The following USP34 variants were observed in gnomAD, a reference collection of about 807,000 sequenced individuals.
The protein encoded by USP34 is ubiquitin specific peptidase 34, also known as ubiquitin carboxyl-terminal hydrolase 34.
USP34 carries 70 observed loss-of-function variants against 460.3 expected under a neutral mutation model. That is an observed-to-expected ratio of 0.15 (90% CI 0.13 to 0.19). The LOEUF (loss-of-function observed/expected upper bound fraction) is 0.19, where lower values mean the gene tolerates loss of function less well. Among genes scored for constraint, USP34 ranks in the 10% least tolerant of loss-of-function variants. USP34 has a pLI of 1.00. For missense variants in USP34, 3,985 were observed against 4,236.2 expected (o/e 0.94, Z 1.65); for synonymous variants, 1,647 against 1,405.3 (o/e 1.17, Z -3.85).
At chr2:61,379,289 C>T (rs1172181416) in intron 7 of USP34, among the ~76,000 whole-genome samples, 6 of 152,100 alleles carry the variant, frequency 3.9e-5, no homozygotes, top group African/African-American at 1.4e-4. Context: ...GAGGATGAGG[C>T]GGGTGGATCA....
intron 2 of USP34, among the ~76,000 whole-genome samples, chr2:61,416,087 C>T (rs752216052): frequency 2.0e-5 from 3 of 152,168 alleles, no homozygotes; most frequent in Non-Finnish European, 4.4e-5. Context: ...AGGACTATTA[C>T]TCCACAGTAT....
In USP34 at chr2:61,228,973, C is replaced by T. The variant is rs1687807350; in HGVS notation, c.7222G>A (p.Val2408Ile). ...CATGAACGACCACCAATATCTTCTACTGAGGTATCCATATCATCTGACCTA... is the reference window on the plus strand; with the variant it reads ...CATGAACGACCACCAATATCTTCTATTGAGGTATCCATATCATCTGACCTA... The part of the protein sequence containing the change: ...EDGSDDMDTS[V>I]EDIGGRSCVT... Residue 2408 changes from valine to isoleucine, a missense_variant, in exon 60 of 80, where the codon GTA (valine) becomes ATA (isoleucine). Physicochemically the swap from Val to Ile is conservative, Grantham distance 29. Around this residue, in one of 14 missense-constraint regions of USP34, gnomAD observed 604 missense variants for 684.8 expected, o/e 0.88. Coordinates refer to ENST00000398571, the MANE Select transcript of USP34 (RefSeq NM_014709.4). 1 of 1,596,794 alleles carries T rather than the reference C, an allele frequency of 6.3e-7. No homozygotes were observed. Among genetic ancestry groups the T allele is most frequent in the South Asian group, 1.1e-5 (1 of 88,162 alleles).
chr2:61,307,729 C>A (rs1457394123), intron 27 of USP34, among the ~76,000 whole-genome samples: 1 of 151,912 alleles, frequency 6.6e-6, no homozygotes, highest in Non-Finnish European at 1.5e-5. Context: ...GAGTACAAAG[C>A]TTTAAAGGAA....
chr2:61,392,992 C>T (rs1163626638), intron 5 of USP34, among the ~76,000 whole-genome samples: 1 of 152,014 alleles, frequency 6.6e-6, no homozygotes, highest in Non-Finnish European at 1.5e-5. Flanking sequence ...TAGTAACAAC[C>T]GAAGTTAGTA....
intron 2 of USP34, chr2:61,416,963 G>T: frequency 7.8e-7 from 1 of 1,279,258 alleles, no homozygotes; most frequent in Non-Finnish European, 1.1e-6. Flanking sequence ...GGGATGAGCC[G>T]CTTCTCAGCC....
chr2:61,221,938 A>C (rs1437110031), intron 65 of USP34: 2 of 176,108 alleles, frequency 1.1e-5, no homozygotes, highest in Non-Finnish European at 2.4e-5. Flanking sequence ...TAGAATGGCG[A>C]AATCAAGCTA....
At chr2:61,406,891 T>C (rs966250666) in intron 2 of USP34, among the ~76,000 whole-genome samples, 2 of 151,714 alleles carry the variant, frequency 1.3e-5, no homozygotes, top group African/African-American at 2.4e-5. Context: ...GCACCTGTAA[T>C]CCCAGCTACT....
Position 61,406,636 on chromosome 2 carries a change from C to A in USP34, c.132-508G>T, listed in dbSNP as rs117639728. On this transcript the variant is annotated intron_variant, in intron 2 of 79. Coordinates refer to ENST00000398571, the MANE Select transcript of USP34 (RefSeq NM_014709.4). ...ATCAAAAGTGTTTAGGAACAACACA[C>A]ACACACTCTCTCTTTCTCTCTCTCT... 1.5e-4 allele frequency among the ~76,000 whole-genome samples: 22 copies of A among 151,150 alleles called. No homozygotes were observed. The East Asian group carries it at 2.9e-3, about 20-fold the overall frequency.
chr2:61,417,890 C>T (rs1308544582), intron 2 of USP34, among the ~76,000 whole-genome samples: 5 of 149,822 alleles, frequency 3.3e-5, no homozygotes, highest in African/African-American at 9.8e-5. Context: ...TACACATGAG[C>T]ACCCCACGCC....
At position 61,280,281 on chromosome 2, in the gene USP34, T is replaced by C. The variant is rs542638919; in HGVS notation, c.5219A>G (p.Lys1740Arg). ...GCKEYFWLLC[K>R]LVDNIHIKDA... is the part of the protein sequence containing the mutation. ...CTTTATATGTATGTTGTCAACTAAT[T>C]TGCATAACAACCAAAAATACTCTTT... Residue 1740 changes from lysine to arginine, a missense_variant, in exon 39 of 80, where the codon AAA (lysine) becomes AGA (arginine). Transcript: ENST00000398571. 2.2e-5 allele frequency: 35 copies of C among 1,564,668 alleles called. No individual in the cohort carries two copies. The Admixed American group carries it at 2.4e-4, about 11-fold the overall frequency.
In USP34 at chr2:61,394,999, C is replaced by G; in HGVS notation, c.607G>C (p.Val203Leu). 6.3e-7 allele frequency: 1 copy of G among 1,579,220 alleles called. No homozygotes were observed. Among genetic ancestry groups the G allele is most frequent in the South Asian group, 1.2e-5 (1 of 83,732 alleles). Residue 203 changes from valine (V) to leucine (L), a missense_variant, in exon 5 of 80, where the codon GTA (valine) becomes CTA (leucine). By Grantham distance (32) the Val-to-Leu change is conservative. Around this residue, in one of 14 missense-constraint regions of USP34, gnomAD observed 331 missense variants for 293.7 expected, o/e 1.13. Coordinates refer to ENST00000398571, the MANE Select transcript of USP34 (RefSeq NM_014709.4). ...CGAAGCAAATGCAATGGTACTTCTA[C>G]ATCCTGGGAAAATAAAGAAAACATG... ...ILGAFCDMND[V>L]EVPLHLLRYV...
chr2:61,420,953 C>T, intron 1 of USP34, 120 bp from the exon 2 acceptor site: 2 of 640,832 alleles, frequency 3.1e-6, no homozygotes, highest in Non-Finnish European at 4.9e-6. Context: ...TCTTTTGCTT[C>T]CAAAGAAAAT....
At chr2:61,444,842 C>G (rs1258174478) in intron 1 of USP34, among the ~76,000 whole-genome samples, 1 of 151,778 alleles carries the variant, frequency 6.6e-6, no homozygotes, top group Non-Finnish European at 1.5e-5. Flanking sequence ...TGGAGCACCC[C>G]CTCCGTCTCT....
At chr2:61,420,147 A>G (rs1264356030) in intron 2 of USP34, among the ~76,000 whole-genome samples, 1 of 152,154 alleles carries the variant, frequency 6.6e-6, no homozygotes, top group Non-Finnish European at 1.5e-5. Flanking sequence ...TACCCATAAA[A>G]TTTTTTAGAA....
intron 53 of USP34, among the ~76,000 whole-genome samples, chr2:61,237,715 C>T (rs913310678): frequency 2.6e-5 from 4 of 151,030 alleles, no homozygotes; most frequent in African/African-American, 4.9e-5. Context: ...ACCACAGGTG[C>T]GTGCCACCAT....
At chr2:61,439,928 C>G (rs1694918329) in intron 1 of USP34, among the ~76,000 whole-genome samples, 1 of 152,102 alleles carries the variant, frequency 6.6e-6, no homozygotes, top group Admixed American at 6.6e-5. Context: ...GCTGGGCCAA[C>G]AGGGTACAGG....
At chr2:61,230,058 AT>A (rs1687846847) in intron 58 of USP34, among the ~76,000 whole-genome samples, 3 of 103,988 alleles carry the variant, frequency 2.9e-5, no homozygotes, top group Non-Finnish European at 6.5e-5. Context: ...CCACAATCAC[AT>A]GAAAAAAATG....
At chr2:61,235,237 T>A (rs1572858252) in intron 57 of USP34, among the ~76,000 whole-genome samples, 1 of 152,256 alleles carries the variant, frequency 6.6e-6, no homozygotes, top group East Asian at 1.9e-4. Context: ...TATACCTTAA[T>A]AAAGCTGGTT....
intron 36 of USP34, 49 bp downstream of exon 36, chr2:61,283,359 AT>A: frequency 6.4e-7 from 1 of 1,574,730 alleles, no homozygotes; most frequent in Non-Finnish European, 8.6e-7. Flanking sequence ...ATATATCAAT[AT>A]ATTATTCAAG....
Sources: gnomAD v4.1 joint callset for allele counts (sites outside exome capture counted in the v4.1 genomes callset) on GRCh38, gnomAD v4.1.1 for gene constraint, gnomAD v4.1.1 regional missense constraint, MANE v1.5 for transcripts, NCBI Gene and HGNC (gene_info 2026-07-23, HGNC 2026-07-21) for gene names.